The following FHIP1B variants were observed in gnomAD, a reference collection of about 807,000 sequenced individuals.
FHIP1B encodes FHF complex subunit HOOK interacting protein 1B.
In FHIP1B, 28 loss-of-function variants were observed where a neutral mutation model predicts 82.2. That is an observed-to-expected ratio of 0.34 (90% confidence interval 0.25 to 0.47). The LOEUF (loss-of-function observed/expected upper bound fraction) is 0.47, where lower values mean the gene tolerates loss of function less well. FHIP1B is among the 20% of genes least tolerant of loss of function. The probability of loss-of-function intolerance (pLI) is 1.00; values close to 1 mark genes in which losing one functional copy is unlikely to be tolerated. For synonymous variants in FHIP1B, 585 were observed against 516.1 expected (o/e 1.13, Z -1.81); for missense variants, 1,110 against 1,262.6 (o/e 0.88, Z 1.83).
At chr11:6,218,289 C>T (rs548700922) in intron 8 of FHIP1B, 139 bp from the exon 9 acceptor site, 4 of 1,244,716 alleles carry the variant, frequency 3.2e-6, no homozygotes, top group African/African-American at 1.5e-5. Flanking sequence ...TCTCCAACCT[C>T]CTAATTAACC....
intron 1 of FHIP1B, among the ~76,000 whole-genome samples, chr11:6,229,556 G>T (rs1847645622): frequency 6.6e-6 from 1 of 152,116 alleles, no homozygotes; most frequent in Non-Finnish European, 1.5e-5. Context: ...TCTCAGTAAG[G>T]TCTTAACATG....
In FHIP1B at chr11:6,223,476, G is replaced by T; in HGVS notation, c.777+134C>A. 2.5e-6 allele frequency: 3 copies of T among 1,202,770 alleles called. No homozygotes were observed. The highest frequency in any genetic ancestry group is 2.3e-5 in the East Asian group (1 of 42,666). 74.5% of individuals were successfully genotyped at this position (1,202,770 alleles called of 1,614,324 possible). On this transcript the variant is annotated intron_variant, in intron 3 of 11. Coordinates refer to ENST00000449352, the MANE Select transcript of FHIP1B (RefSeq NM_001098794.2). The surrounding 1 kb of genome is among the most constrained non-coding windows in gnomAD (Gnocchi z 4.8). ...TTCATCCCCACTACAACTCCAGGGG[G>T]CTGCTTTCAAATCCAGGAACTGTTT...
intron 9 of FHIP1B, chr11:6,216,716 C>T (rs1051523224): frequency 1.2e-5 from 3 of 257,082 alleles, no homozygotes; most frequent in Admixed American, 5.0e-5. Flanking sequence ...CTCAGGGCCA[C>T]GCTTTGTCAT....
intron 5 of FHIP1B, 84 bp downstream of exon 5, chr11:6,222,727 C>G (rs1432728603): frequency 7.8e-6 from 12 of 1,544,444 alleles, no homozygotes; most frequent in Non-Finnish European, 1.1e-5. Flanking sequence ...GAGTACTCTA[C>G]CCACCGCCTC....
intron 1 of FHIP1B, among the ~76,000 whole-genome samples, chr11:6,228,990 T>C (rs1309221141): frequency 6.6e-6 from 1 of 152,260 alleles, no homozygotes; most frequent in Non-Finnish European, 1.5e-5. Flanking sequence ...GTTGGTTTCC[T>C]TAAACCCTAT....
intron 6 of FHIP1B, among the ~76,000 whole-genome samples, chr11:6,221,741 C>G (rs1468409714): frequency 6.6e-6 from 1 of 152,136 alleles, no homozygotes; most frequent in African/African-American, 2.4e-5. Context: ...GTCATCTCTT[C>G]AGAGAGGTCT....
intron 1 of FHIP1B, among the ~76,000 whole-genome samples, chr11:6,234,233 C>A (rs965190405): frequency 3.9e-5 from 6 of 152,088 alleles, no homozygotes; most frequent in African/African-American, 1.4e-4. Context: ...TCTCTCTCCT[C>A]GCGCAGGCCT....
At position 6,217,759 on chromosome 11, in the gene FHIP1B, C is replaced by T. The variant is rs760362636; in HGVS notation, c.1827G>A (p.Gly609=). 8 of 1,608,008 alleles carry T rather than the reference C, an allele frequency of 5.0e-6. No homozygotes were observed. In the Middle Eastern group the frequency reaches 8.3e-4, roughly 167 times the overall value. The change falls in exon 9 of 12, where the codon GGG becomes GGA. Residue 609 remains glycine, a synonymous_variant. Coordinates refer to ENST00000449352, the MANE Select transcript of FHIP1B (RefSeq NM_001098794.2). ...CCCTCCTCCCCAGCTCTTCCTCCTC[C>T]CCTTCCCCCACGTTGTTCCTGTCCT... ...PEEDRNNVGE[G]EEEELGRRGR...
rs778158841 is a variant in FHIP1B at position 6,217,890 on chromosome 11, C to T, written c.1696G>A (p.Val566Ile). The T allele has an allele frequency of 2.3e-5, 37 of 1,613,084 alleles. No individual in the cohort carries two copies. Among genetic ancestry groups the T allele is most frequent in the Non-Finnish European group, 2.9e-5 (34 of 1,180,006 alleles). Residue 566 changes from valine to isoleucine, a missense_variant, in exon 9 of 12, where the codon GTC becomes ATC. Around this residue, in one of 6 missense-constraint regions of FHIP1B, gnomAD observed 418 missense variants for 371.4 expected, o/e 1.13. Coordinates refer to ENST00000449352, the MANE Select transcript of FHIP1B (RefSeq NM_001098794.2). ...REARRGVDRCVRACRTWSAPY... is the reference protein window; with the variant it reads ...REARRGVDRCIRACRTWSAPY... ...GCAGACCAGGTACGGCAGGCTCGGA[C>T]ACAGCGGTCCACACCACGACGTGCC...
At chr11:6,217,276 A>C in intron 9 of FHIP1B, 95 bp downstream of exon 9, 2 of 1,155,454 alleles carry the variant, frequency 1.7e-6, no homozygotes, top group Non-Finnish European at 2.6e-6. Context: ...AAGTACACAG[A>C]AATGACATGG....
chr11:6,223,874 T>C lies in FHIP1B; in HGVS notation c.513A>G (p.Ala171=). The change falls in exon 3 of 12, where the codon GCA becomes GCG. Residue 171 remains alanine, a synonymous_variant. Coordinates refer to ENST00000449352, the MANE Select transcript of FHIP1B (RefSeq NM_001098794.2). The surrounding 1 kb of genome is among the most constrained non-coding windows in gnomAD (Gnocchi z 4.8). ...ACGRPVPSSP[A]LDEGLVLLLS... ...GAAGTAGCACCAAGCCTTCATCCAGTGCTGGGCTACTGGGCACAGGGCGGC... is the reference window on the plus strand; with the variant it reads ...GAAGTAGCACCAAGCCTTCATCCAGCGCTGGGCTACTGGGCACAGGGCGGC... 6.2e-7 allele frequency: 1 copy of C among 1,614,232 alleles called. No individual in the cohort carries two copies. Among genetic ancestry groups the C allele is most frequent in the Non-Finnish European group, 8.5e-7 (1 of 1,180,040 alleles).
chr11:6,218,244 G>A, intron 8 of FHIP1B, 94 bp from the exon 9 acceptor site: 1 of 1,459,854 alleles, frequency 6.9e-7, no homozygotes. Flanking sequence ...AGACAATGGG[G>A]AGGCAGAAAC....
Position 6,214,902 on chromosome 11 carries a change from A to G in FHIP1B, c.2225T>C (p.Met742Thr). The G allele has an allele frequency of 6.3e-7, 1 of 1,583,076 alleles. No individual in the cohort carries two copies. Residue 742 changes from methionine (M) to threonine (T), a missense_variant, in exon 10 of 12, where the codon ATG becomes ACG. Transcript: ENST00000449352. ...LPSQPFTGPF[M>T]AVLFAKLENM... ...CTCGAGTTTGGCAAAGAGCACAGCC[A>G]TGAAGGGGCCTGGGTTGGGGGGGAG...
intron 1 of FHIP1B, among the ~76,000 whole-genome samples, chr11:6,232,912 A>C (rs1184724498): frequency 6.6e-6 from 1 of 152,190 alleles, no homozygotes; most frequent in Non-Finnish European, 1.5e-5. Context: ...AGAGCACTGC[A>C]ACACCAAAAG....
At chr11:6,230,666 T>C (rs1037756238) in intron 1 of FHIP1B, among the ~76,000 whole-genome samples, 8 of 152,216 alleles carry the variant, frequency 5.3e-5, no homozygotes, top group African/African-American at 1.7e-4. Context: ...TGAACCTCTA[T>C]TCTACAGTGA....
chr11:6,231,670 TGTC>T (rs1433105809), intron 1 of FHIP1B, among the ~76,000 whole-genome samples: 130 of 151,828 alleles, frequency 8.6e-4, no homozygotes, highest in African/African-American at 2.8e-3. Flanking sequence ...GTGGTTTTAT[TGTC>T]GTTGTTGTTG....
chr11:6,214,520 G>A lies in FHIP1B; in HGVS notation c.2448C>T (p.Asp816=). 1 of 1,614,122 alleles carries A rather than the reference G, an allele frequency of 6.2e-7. No homozygotes were observed. Among genetic ancestry groups the A allele is most frequent in the Non-Finnish European group, 8.5e-7 (1 of 1,179,966 alleles). Residue 816 remains aspartate (D), a synonymous_variant, in exon 11 of 12, where the codon GAC becomes GAT. Transcript: ENST00000449352. ...TGGCTTTGGACAGCAGTGCTGGGAA[G>A]TCCTCCTGGGAAGCCGCAAAGTTCT... ...KIENFAASQE[D]FPALLSKAKK...
chr11:6,218,541 C>A, intron 8 of FHIP1B, 59 bp downstream of exon 8: 1 of 1,607,372 alleles, frequency 6.2e-7, no homozygotes, highest in Non-Finnish European at 8.5e-7. Flanking sequence ...TACGCTCCCC[C>A]AGAACCTAGG....
chr11:6,226,635 A>G (rs1473539324), intron 1 of FHIP1B, among the ~76,000 whole-genome samples: 1 of 152,250 alleles, frequency 6.6e-6, no homozygotes, highest in Non-Finnish European at 1.5e-5. Context: ...AAAGAACACG[A>G]AAAATTCAAA....
Sources: allele counts gnomAD v4.1 joint callset (sites outside exome capture counted in the v4.1 genomes callset), GRCh38; gene constraint gnomAD v4.1.1; regional missense constraint gnomAD v4.1.1; non-coding constraint Gnocchi (gnomAD v3.1); transcripts MANE v1.5; gene names NCBI Gene and HGNC (gene_info 2026-07-23, HGNC 2026-07-21).